The following TCF12 variants were observed in gnomAD, a reference collection of about 807,000 sequenced individuals.
TCF12 encodes the protein DNA-binding protein HTF4.
Under a neutral mutation model 86.0 loss-of-function variants are expected in TCF12, and 45 were observed. That is an observed-to-expected ratio of 0.52 (90% CI 0.41 to 0.67). The LOEUF (loss-of-function observed/expected upper bound fraction) is 0.67. Ranked by LOEUF, TCF12 falls within the 30% of genes least tolerant of loss-of-function variation. The pLI, the probability that TCF12 is intolerant of heterozygous loss-of-function variation, is 0.00. For synonymous variants in TCF12, 330 were observed against 299.6 expected (o/e 1.10, Z -1.05); for missense variants, 881 against 859.9 (o/e 1.02, Z -0.31).
chr15:57,108,737 C>T (rs1317392279), intron 5 of TCF12, among the ~76,000 whole-genome samples: 2 of 152,012 alleles, frequency 1.3e-5, no homozygotes, highest in Non-Finnish European at 2.9e-5. Context: ...TGAGCTAATT[C>T]ATAACTTCCC....
chr15:57,053,587 CA>C (rs2141601382), intron 3 of TCF12, among the ~76,000 whole-genome samples: 2 of 150,782 alleles, frequency 1.3e-5, no homozygotes, highest in African/African-American at 4.9e-5. Flanking sequence ...CACCGCAGAA[CA>C]GAGGTAAATA....
rs759400094 is a variant in TCF12, at chr15:57,188,538, G to A, written c.391-3620G>A. 3.3e-5 allele frequency among the ~76,000 whole-genome samples: 5 copies of A among 152,162 alleles called. No individual in the cohort carries two copies. The South Asian group carries it at 1.0e-3, about 32-fold the overall frequency. The stretch of plus-strand genomic sequence containing the variant: ...AACAATACTGAAAAAGAACAGTGTT[G>A]GAGTAGTTACCCTTTCCAATTTCAA... On this transcript the variant is annotated intron_variant, in intron 6 of 20. Coordinates refer to ENST00000333725, the MANE Select transcript of TCF12 (RefSeq NM_207037.2).
chr15:57,187,839 A>G lies in TCF12; in HGVS notation c.391-4319A>G, dbSNP rs113588082. On this transcript the variant is annotated intron_variant, in intron 6 of 20. Transcript: ENST00000333725. ...CAGGTACTCAGGAGGCTGAGGCAGG[A>G]GAATCGCTTGAACCTGGGAGGTGGA... Among the ~76,000 whole-genome samples, 308 of 152,246 alleles carry G rather than the reference A, an allele frequency of 2.0e-3. 2 individuals are homozygous for G. Among genetic ancestry groups the G allele is most frequent in the African/African-American group, 6.9e-3 (287 of 41,530 alleles).
In TCF12 at chr15:57,212,086, G is replaced by C. The variant is rs2058135021; in HGVS notation, c.579+14261G>C. On this transcript the variant is annotated intron_variant, in intron 8 of 20. Coordinates refer to ENST00000333725, the MANE Select transcript of TCF12 (RefSeq NM_207037.2). The stretch of plus-strand genomic sequence containing the variant: ...GAATCTTGAATCTTGAATACAACAA[G>C]ATTCAAAATACATCAGAAAAACCTA... Among the ~76,000 whole-genome samples the C allele has an allele frequency of 2.0e-5, 3 of 151,806 alleles. No individual in the cohort carries two copies. In the South Asian group the frequency reaches 6.2e-4, roughly 31 times the overall value.
chr15:57,080,976 A>G (rs2070591294), intron 4 of TCF12, among the ~76,000 whole-genome samples: 1 of 152,138 alleles, frequency 6.6e-6, no homozygotes, highest in South Asian at 2.1e-4. Context: ...TCTGCGGTAG[A>G]TAAAAATGTC....
intron 3 of TCF12, among the ~76,000 whole-genome samples, chr15:57,026,272 A>C (rs1354206642): frequency 2.0e-5 from 3 of 152,248 alleles, no homozygotes; most frequent in Non-Finnish European, 4.4e-5. Context: ...ACCAGCCAAT[A>C]GTGTGCCAAA....
chr15:56,924,233 G>C (rs565833088), intron 3 of TCF12, among the ~76,000 whole-genome samples: 1 of 152,098 alleles, frequency 6.6e-6, no homozygotes, highest in Admixed American at 6.5e-5. Flanking sequence ...AATTAGTACA[G>C]TATCACAACT....
At chr15:57,092,017 T>A in intron 5 of TCF12, 126 bp downstream of exon 5, 1 of 673,428 alleles carries the variant, frequency 1.5e-6, no homozygotes, top group Non-Finnish European at 2.5e-6. Context: ...TAGGGGCATC[T>A]AGGGCTTTTC....
intron 19 of TCF12, among the ~76,000 whole-genome samples, chr15:57,279,040 G>A (rs758205698): frequency 1.4e-5 from 2 of 145,860 alleles, no homozygotes; most frequent in Non-Finnish European, 3.0e-5. Flanking sequence ...TGTTGCCTAG[G>A]TTGGAGTGCA....
intron 6 of TCF12, among the ~76,000 whole-genome samples, chr15:57,173,730 CAG>C: frequency 6.7e-6 from 1 of 148,170 alleles, no homozygotes; most frequent in Non-Finnish European, 1.5e-5. Flanking sequence ...TTTTTTTAGA[CAG>C]AGTCTCACTC....
chr15:56,925,472 A>G (rs530636204), intron 3 of TCF12, among the ~76,000 whole-genome samples: 4 of 152,322 alleles, frequency 2.6e-5, no homozygotes, highest in African/African-American at 9.6e-5. Flanking sequence ...ATGAGAAGAT[A>G]AAGATGAAGA....
At chr15:56,993,246 T>G (rs1458226907) in intron 3 of TCF12, among the ~76,000 whole-genome samples, 1 of 151,178 alleles carries the variant, frequency 6.6e-6, no homozygotes, top group African/African-American at 2.4e-5. Flanking sequence ...AATTTTGTCA[T>G]TTTTTTTGTC....
At chr15:56,935,606 A>G (rs1340431206) in intron 3 of TCF12, among the ~76,000 whole-genome samples, 1 of 152,150 alleles carries the variant, frequency 6.6e-6, no homozygotes, top group Non-Finnish European at 1.5e-5. Flanking sequence ...CACAATATGT[A>G]GTCTTTTATC....
chr15:57,238,511 T>C lies in TCF12; in HGVS notation c.1035+4404T>C, dbSNP rs959973143. Among the ~76,000 whole-genome samples, 30 of 152,224 alleles carry C rather than the reference T, an allele frequency of 2.0e-4. 1 individual carries two copies. Among genetic ancestry groups the C allele is most frequent in the Non-Finnish European group, 1.2e-4 (8 of 68,024 alleles). Reference sequence around the variant, plus strand: ...ATAGTGAAACCTCACCATATGATTATTCTCAAAGCTTATGCCATAAAACTG... The same window carrying C: ...ATAGTGAAACCTCACCATATGATTACTCTCAAAGCTTATGCCATAAAACTG... On this transcript the variant is annotated intron_variant, in intron 12 of 20. Transcript: ENST00000333725.
rs560481097 is a variant in TCF12 at position 57,004,519 on chromosome 15, C to T, written c.149-59231C>T. On this transcript the variant is annotated intron_variant, in intron 3 of 20. Transcript: ENST00000333725. ...CGCCTCCCAGGTTCACGCCATTCTCCTGCCTCAGCCTCCTGAGTAGCTGGG... is the reference window on the plus strand; with the variant it reads ...CGCCTCCCAGGTTCACGCCATTCTCTTGCCTCAGCCTCCTGAGTAGCTGGG... Among the ~76,000 whole-genome samples, 16 of 152,300 alleles carry T rather than the reference C, an allele frequency of 1.1e-4. 1 individual carries two copies. In the South Asian group the frequency reaches 2.7e-3, roughly 26 times the overall value.
intron 5 of TCF12, among the ~76,000 whole-genome samples, chr15:57,102,599 A>T (rs1046015073): frequency 8.0e-5 from 11 of 137,440 alleles, no homozygotes; most frequent in Non-Finnish European, 1.6e-4. Context: ...CTCTGTCTTT[A>T]AAAAAAAAAA....
chr15:57,219,360 G>A lies in TCF12; in HGVS notation c.580-11792G>A, dbSNP rs184602652. 3.9e-4 allele frequency: 502 copies of A among 1,281,438 alleles called. 2 individuals carry two copies. In the African/African-American group the frequency reaches 6.9e-3, roughly 18 times the overall value. The allele number at this position is 1,281,438 out of a possible 1,614,324, so 79.4% of individuals were successfully genotyped here. A position where few individuals can be genotyped will look rare whatever the true frequency, so the allele number is the denominator to read the frequency against. ...CTTACAGCATAAACCCTCCCTCTGT[G>A]CTCTGTGAGTTGGTTCAGTCCTATT... On this transcript the variant is annotated intron_variant, in intron 8 of 20. Transcript: ENST00000333725.
At chr15:57,139,146 C>G (rs1273425943) in intron 5 of TCF12, among the ~76,000 whole-genome samples, 1 of 152,056 alleles carries the variant, frequency 6.6e-6, no homozygotes, top group Non-Finnish European at 1.5e-5. Context: ...TTCTCTCTCC[C>G]TTCTCACCTC....
At position 57,234,084 on chromosome 15, in the gene TCF12, G is replaced by A. The variant is rs755347132; in HGVS notation, c.1012G>A (p.Ala338Thr). The A allele has an allele frequency of 6.2e-7, 1 of 1,613,598 alleles. No homozygotes were observed. The highest frequency in any genetic ancestry group is 8.5e-7 in the Non-Finnish European group (1 of 1,179,648). ...TGCTGGAAGCTCACAGACAGGTGATGCACTTGGAAAGGCTTTGGCATCTGT... is the reference window on the plus strand; with the variant it reads ...TGCTGGAAGCTCACAGACAGGTGATACACTTGGAAAGGCTTTGGCATCTGT... ...NAAGSSQTGD[A>T]LGKALASIYS... Residue 338 changes from alanine (A) to threonine (T), a missense_variant, in exon 12 of 21, where the codon GCA becomes ACA. Physicochemically the swap from Ala to Thr is moderately conservative, Grantham distance 58. This residue lies in a region of TCF12 where 766 missense variants were observed against 718.9 expected (regional missense o/e 1.07). Transcript: ENST00000333725.
Sources: gnomAD v4.1 joint callset for allele counts (sites outside exome capture counted in the v4.1 genomes callset) on GRCh38, gnomAD v4.1.1 for gene constraint, gnomAD v4.1.1 regional missense constraint, MANE v1.5 for transcripts, NCBI Gene and HGNC (gene_info 2026-07-23, HGNC 2026-07-21) for gene names.